ADRA1B: variants seen among roughly 807,000 people sequenced by gnomAD.
ADRA1B encodes the protein adrenoceptor alpha 1B.
In ADRA1B, 17 loss-of-function variants were observed where a neutral mutation model predicts 17.9. The ratio of observed to expected loss-of-function variants is 0.95; its 90% CI spans 0.65 to 1.42. The LOEUF (loss-of-function observed/expected upper bound fraction) is 1.42. ADRA1B is among the 40% of genes most tolerant of loss of function. The pLI, the probability that ADRA1B is intolerant of heterozygous loss-of-function variation, is 0.00. For missense variants in ADRA1B, 681 were observed against 722.1 expected, an observed-to-expected ratio of 0.94 and a Z score of 0.65; for synonymous variants, 366 against 327.6, an observed-to-expected ratio of 1.12 and a Z score of -1.27.
At position 159,873,262 on chromosome 5, in the gene ADRA1B, A is replaced by G. The variant is rs59101600; in HGVS notation, c.-256+8056A>G. Among the ~76,000 whole-genome samples, 806 of 152,318 alleles carry G rather than the reference A, an allele frequency of 5.3e-3. 14 individuals are homozygous for G. The highest frequency in any genetic ancestry group is 0.018 in the African/African-American group (763 of 41,554). On this transcript the variant is annotated intron_variant, in intron 1 of 2. Transcript: ENST00000641205. ...AGTATGCATGTGTCTTTACAGCAGA[A>G]TGATTTATAATCCTTTGGGTTTATA...
chr5:159,972,397 G>A lies in ADRA1B; in HGVS notation c.1468G>A (p.Gly490Ser). Residue 490 changes from glycine to serine, a missense_variant, in exon 2 of 2, where the codon GGC (glycine) becomes AGC (serine). Around this residue, in one of 3 missense-constraint regions of ADRA1B, gnomAD observed 251 missense variants for 224.9 expected, o/e 1.12. Transcript: ENST00000306675. ...GCCCGAGAGCCCCGGGACCGACGGC[G>A]GCGCCAGCAACGGAGGCTGCGAGGC... ...TEPESPGTDG[G>S]ASNGGCEAAA... 2.6e-6 allele frequency: 4 copies of A among 1,510,796 alleles called. No individual in the cohort carries two copies. The highest frequency in any genetic ancestry group is 4.1e-5 in the Admixed American group (2 of 49,236). The allele number at this position is 1,510,796 out of a possible 1,614,324, so 93.6% of individuals were successfully genotyped here.
chr5:159,884,764 G>T (rs1008598876), intron 1 of ADRA1B, among the ~76,000 whole-genome samples: 1 of 152,144 alleles, frequency 6.6e-6, no homozygotes, highest in Non-Finnish European at 1.5e-5. Flanking sequence ...AAATGAACTA[G>T]AAATGTTCAG....
chr5:159,972,263 C>T lies in ADRA1B; in HGVS notation c.1334C>T (p.Pro445Leu). 2 of 1,361,496 alleles carry T rather than the reference C, an allele frequency of 1.5e-6. No individual in the cohort carries two copies. The highest frequency in any genetic ancestry group is 1.9e-6 in the Non-Finnish European group (2 of 1,058,748). 84.3% of individuals were successfully genotyped at this position (1,361,496 alleles called of 1,614,324 possible). Residue 445 changes from proline to leucine, a missense_variant, in exon 2 of 2, where the codon CCC (proline) becomes CTC (leucine). This residue lies in a region of ADRA1B where 251 missense variants were observed against 224.9 expected (regional missense o/e 1.12). Transcript: ENST00000306675. ...CCGCCAGTCGAGCTGTGCGCCTTCCCCGAGTGGAAGGCGCCCGGCGCCCTC... is the reference window on the plus strand; with the variant it reads ...CCGCCAGTCGAGCTGTGCGCCTTCCTCGAGTGGAAGGCGCCCGGCGCCCTC... ...APPPVELCAF[P>L]EWKAPGALLS...
intron 1 of ADRA1B, among the ~76,000 whole-genome samples, chr5:159,889,070 A>C (rs1753955462): frequency 6.6e-6 from 1 of 152,160 alleles, no homozygotes; most frequent in Non-Finnish European, 1.5e-5. Flanking sequence ...CATGAGAAAC[A>C]GTGAAAGAGA....
intron 1 of ADRA1B, among the ~76,000 whole-genome samples, chr5:159,946,914 CACTGGTGGAGAACTAATATTG>C (rs1755287580): frequency 6.6e-6 from 1 of 152,182 alleles, no homozygotes; most frequent in Non-Finnish European, 1.5e-5. Context: ...GAAGACAAGA[CACTGGTGGAGAACTAATATTG>C]ACTGAGCACT....
intron 1 of ADRA1B, among the ~76,000 whole-genome samples, chr5:159,928,824 G>T (rs1016025193): frequency 1.3e-5 from 2 of 152,192 alleles, no homozygotes; most frequent in Admixed American, 6.5e-5. Flanking sequence ...GCACTGGGCC[G>T]GGCGGAGATC....
chr5:159,867,862 C>A (rs1472318603), intron 1 of ADRA1B: 1 of 152,178 alleles, frequency 6.6e-6, no homozygotes, highest in Non-Finnish European at 1.5e-5. Context: ...ATCTACCTGG[C>A]TTTGATTCTC....
intron 1 of ADRA1B, among the ~76,000 whole-genome samples, chr5:159,921,562 C>A (rs1331266061): frequency 6.6e-6 from 1 of 152,140 alleles, no homozygotes; most frequent in Non-Finnish European, 1.5e-5. Flanking sequence ...AAGTGCTCCG[C>A]AGCCAACCAG....
At chr5:159,937,212 T>A (rs1253033856) in intron 1 of ADRA1B, among the ~76,000 whole-genome samples, 17 of 152,244 alleles carry the variant, frequency 1.1e-4, no homozygotes, top group Admixed American at 1.1e-3. Flanking sequence ...CCAGCTCAGA[T>A]GTGGAGGAAT....
intron 1 of ADRA1B, among the ~76,000 whole-genome samples, chr5:159,920,197 T>C (rs953827146): frequency 6.6e-5 from 10 of 152,158 alleles, no homozygotes; most frequent in African/African-American, 2.4e-4. Flanking sequence ...TGAGAATCAC[T>C]GGCCAGAAAA....
chr5:159,903,012 T>C (rs1754119819), intron 1 of ADRA1B, among the ~76,000 whole-genome samples: 1 of 152,088 alleles, frequency 6.6e-6, no homozygotes, highest in Non-Finnish European at 1.5e-5. Context: ...CTGTGCTGCA[T>C]CCCCCGCGGT....
chr5:159,896,703 A>T (rs889013470), intron 1 of ADRA1B, among the ~76,000 whole-genome samples: 4 of 152,182 alleles, frequency 2.6e-5, no homozygotes, highest in African/African-American at 9.7e-5. Flanking sequence ...AGGGTAACAT[A>T]CTCATCAGCC....
chr5:159,914,487 C>T (rs1259294941), upstream of ADRA1B, among the ~76,000 whole-genome samples: 2 of 152,166 alleles, frequency 1.3e-5, no homozygotes, highest in Non-Finnish European at 2.9e-5. Flanking sequence ...TTGTGAATCT[C>T]TTATTATCAA....
chr5:159,909,172 C>T (rs1325445086), intron 1 of ADRA1B, among the ~76,000 whole-genome samples: 1 of 152,204 alleles, frequency 6.6e-6, no homozygotes, highest in Non-Finnish European at 1.5e-5. Flanking sequence ...GCCTCTTTCT[C>T]ACGCTGCTCC....
chr5:159,916,737 A>C lies in ADRA1B; in HGVS notation c.-169A>C. On this transcript the variant is annotated 5_prime_UTR_variant, in exon 1 of 2. Coordinates refer to ENST00000306675, the MANE Select transcript of ADRA1B (RefSeq NM_000679.4). ...GGCGAGCGAGCGACTCGGTGCAGGC[A>C]GGAGACGTGCTGCCGGGCTGGGCTG... 1.6e-6 allele frequency: 1 copy of C among 634,988 alleles called. No individual in the cohort carries two copies. Among genetic ancestry groups the C allele is most frequent in the South Asian group, 2.0e-5 (1 of 50,566 alleles). The allele number at this position is 634,988 out of a possible 1,614,324, so 39.3% of individuals were successfully genotyped here. A position where few individuals can be genotyped will look rare whatever the true frequency, so the allele number is the denominator to read the frequency against.
At chr5:159,939,320 TGTGCGCGCGCGC>T (rs1755056827) in intron 1 of ADRA1B, among the ~76,000 whole-genome samples, 2 of 108,152 alleles carry the variant, frequency 1.8e-5, no homozygotes, top group Non-Finnish European at 4.0e-5. Flanking sequence ...TGTGTGTGTG[TGTGCGCGCGCGC>T]GCGCACACAA....
Position 159,916,786 on chromosome 5 carries a change from A to G in ADRA1B, c.-120A>G, listed in dbSNP as rs1754322065. The G allele has an allele frequency of 3.0e-6, 3 of 987,072 alleles. No homozygotes were observed. In the Admixed American group the frequency reaches 8.5e-5, roughly 28 times the overall value. 61.1% of individuals were successfully genotyped at this position (987,072 alleles called of 1,614,324 possible). A position where few individuals can be genotyped will look rare whatever the true frequency, so the allele number is the denominator to read the frequency against. On this transcript the variant is annotated 5_prime_UTR_variant, in exon 1 of 2. Coordinates refer to ENST00000306675, the MANE Select transcript of ADRA1B (RefSeq NM_000679.4). The stretch of plus-strand genomic sequence containing the variant: ...TGCCCGGGGGAGATGACTCCTCGCC[A>G]GGAGGGCGCCTCTGGGAAGAAGACC...
chr5:159,944,095 A>G (rs560113209), intron 1 of ADRA1B, among the ~76,000 whole-genome samples: 1 of 152,210 alleles, frequency 6.6e-6, no homozygotes, highest in Admixed American at 6.5e-5. Flanking sequence ...TTTCACCTTT[A>G]CGAACTCAGA....
In ADRA1B at chr5:159,917,724, C is replaced by T. The variant is rs1754365608; in HGVS notation, c.819C>T (p.His273=). The T allele has an allele frequency of 6.2e-7, 1 of 1,614,054 alleles. No individual in the cohort carries two copies. Among genetic ancestry groups the T allele is most frequent in the African/African-American group, 1.3e-5 (1 of 74,928 alleles). ...DTLSSTKAKG[H]NPRSSIAVKL... ...TTAGCAGTACCAAGGCCAAGGGCCA[C>T]AACCCCAGGAGTTCCATAGCTGTCA... The change falls in exon 1 of 2, where the codon CAC becomes CAT. Residue 273 remains histidine, a synonymous_variant. Transcript: ENST00000306675.
Sources: allele counts gnomAD v4.1 joint callset (sites outside exome capture counted in the v4.1 genomes callset), GRCh38; gene constraint gnomAD v4.1.1; regional missense constraint gnomAD v4.1.1; transcripts MANE v1.5; gene names NCBI Gene and HGNC (gene_info 2026-07-23, HGNC 2026-07-21).